Variants in EBF1 observed in about 807,000 individuals in gnomAD.
EBF1 encodes EBF transcription factor 1.
EBF1 carries 10 observed loss-of-function variants against 68.4 expected under a neutral mutation model. The ratio of observed to expected loss-of-function variants is 0.15; its 90% CI spans 0.09 to 0.25. EBF1 has a LOEUF of 0.25. Among genes scored for constraint, EBF1 ranks in the 10% least tolerant of loss-of-function variants. The probability of loss-of-function intolerance (pLI) is 1.00; values close to 1 mark genes in which losing one functional copy is unlikely to be tolerated. For synonymous variants in EBF1, 298 were observed against 299.8 expected (o/e 0.99, Z 0.06); for missense variants, 509 against 794.4 (o/e 0.64, Z 4.32).
chr5:158,750,946 T>C (rs1447096533), intron 10 of EBF1, among the ~76,000 whole-genome samples: 10 of 152,042 alleles, frequency 6.6e-5, no homozygotes, highest in Non-Finnish European at 1.5e-4. Flanking sequence ...GATAAATAAA[T>C]ATAGTAAATC....
chr5:158,883,203 C>T (rs1387235709), intron 6 of EBF1, among the ~76,000 whole-genome samples: 1 of 151,862 alleles, frequency 6.6e-6, no homozygotes, highest in African/African-American at 2.4e-5. Context: ...TACATGTATG[C>T]ATAGATACAA....
chr5:159,093,844 C>T (rs1268297866), intron 4 of EBF1, among the ~76,000 whole-genome samples: 2 of 151,912 alleles, frequency 1.3e-5, no homozygotes, highest in Non-Finnish European at 2.9e-5. Flanking sequence ...CATAGTGCTA[C>T]CTATAATTTA....
At chr5:159,047,058 A>G (rs1772561871) in intron 6 of EBF1, among the ~76,000 whole-genome samples, 1 of 152,194 alleles carries the variant, frequency 6.6e-6, no homozygotes, top group African/African-American at 2.4e-5. Flanking sequence ...CACTGTGTTT[A>G]TTATTGAGTA....
At chr5:158,967,974 T>C (rs186338104) in intron 6 of EBF1, among the ~76,000 whole-genome samples, 1 of 152,332 alleles carries the variant, frequency 6.6e-6, no homozygotes, top group East Asian at 1.9e-4. Flanking sequence ...AGAAGACCTG[T>C]CTTGAAATGT....
At chr5:158,758,139 G>A (rs1770547927) in intron 10 of EBF1, among the ~76,000 whole-genome samples, 1 of 152,102 alleles carries the variant, frequency 6.6e-6, no homozygotes, top group South Asian at 2.1e-4. Flanking sequence ...CTCCATTATT[G>A]AGGTAAGAAA....
At chr5:159,011,568 T>C (rs1281243828) in intron 6 of EBF1, among the ~76,000 whole-genome samples, 1 of 152,160 alleles carries the variant, frequency 6.6e-6, no homozygotes, top group Non-Finnish European at 1.5e-5. Flanking sequence ...TGGAAGCGGG[T>C]GGGGTACCAG....
chr5:158,725,769 G>A (rs766299176), intron 11 of EBF1, among the ~76,000 whole-genome samples: 23 of 152,260 alleles, frequency 1.5e-4, no homozygotes, highest in African/African-American at 3.4e-4. Flanking sequence ...GAGAGATTCC[G>A]GTGTGCTCTC....
chr5:159,066,749 T>G (rs1381505392), intron 6 of EBF1, among the ~76,000 whole-genome samples: 2 of 152,168 alleles, frequency 1.3e-5, no homozygotes, highest in Non-Finnish European at 2.9e-5. Flanking sequence ...GACAAAGACT[T>G]GTAACTGGAG....
rs181131727 is a variant in EBF1 at position 159,054,921 on chromosome 5, A to G, written c.554+18475T>C. 1.8e-3 allele frequency among the ~76,000 whole-genome samples: 281 copies of G among 152,262 alleles called. 1 individual carries two copies. The highest frequency in any genetic ancestry group is 6.3e-3 in the African/African-American group (261 of 41,546). On this transcript the variant is annotated intron_variant, in intron 6 of 15. Transcript: ENST00000313708. ...AAGCCTACAATTTTCTTTTTACTAG[A>G]TCCCTTCCCCATCTTGCCCAAGTTA... is the stretch of plus-strand genomic sequence containing the variant.
intron 8 of EBF1, among the ~76,000 whole-genome samples, chr5:158,808,500 G>A (rs1782005378): frequency 6.6e-6 from 1 of 152,102 alleles, no homozygotes; most frequent in Non-Finnish European, 1.5e-5. Context: ...AAGAGCACCA[G>A]CTCTGGATTC....
chr5:158,783,731 G>GC (rs887723250), intron 9 of EBF1, among the ~76,000 whole-genome samples: 14 of 152,184 alleles, frequency 9.2e-5, no homozygotes, highest in African/African-American at 3.4e-4. Context: ...AGCCACTGTG[G>GC]CCATGACAAG....
At chr5:158,746,395 T>TA (rs1767568766) in intron 10 of EBF1, among the ~76,000 whole-genome samples, 1 of 152,160 alleles carries the variant, frequency 6.6e-6, no homozygotes, top group African/African-American at 2.4e-5. Context: ...ATTTTAAGCT[T>TA]AGAGACTGGA....
intron 6 of EBF1, among the ~76,000 whole-genome samples, chr5:159,067,157 C>T (rs1776986469): frequency 6.6e-6 from 1 of 151,970 alleles, no homozygotes; most frequent in Non-Finnish European, 1.5e-5. Context: ...AGAGTTTTTC[C>T]CCCCATTCTA....
At chr5:158,824,388 A>G (rs1351294798) in intron 7 of EBF1, among the ~76,000 whole-genome samples, 1 of 152,230 alleles carries the variant, frequency 6.6e-6, no homozygotes, top group Non-Finnish European at 1.5e-5. Context: ...CGATAGATTG[A>G]CATGCAGATT....
At chr5:158,745,291 A>G (rs552837390) in intron 10 of EBF1, among the ~76,000 whole-genome samples, 1 of 152,216 alleles carries the variant, frequency 6.6e-6, no homozygotes, top group Non-Finnish European at 1.5e-5. Context: ...GTGGAAACCA[A>G]TTTTGAAAAG....
intron 6 of EBF1, among the ~76,000 whole-genome samples, chr5:158,923,890 G>C (rs1183710387): frequency 3.9e-5 from 6 of 152,190 alleles, no homozygotes; most frequent in African/African-American, 9.7e-5. Context: ...CCAAACCTGG[G>C]CATTGTTTAC....
At chr5:158,899,705 C>G (rs536457474) in intron 6 of EBF1, among the ~76,000 whole-genome samples, 120 of 152,244 alleles carry the variant, frequency 7.9e-4, no homozygotes, top group African/African-American at 2.8e-3. Context: ...CCACTGACAA[C>G]TACACAGCCA....
intron 6 of EBF1, among the ~76,000 whole-genome samples, chr5:159,025,502 T>C (rs1283625596): frequency 6.6e-6 from 1 of 152,238 alleles, no homozygotes; most frequent in Non-Finnish European, 1.5e-5. Flanking sequence ...TATTTATTGA[T>C]GCTGATTTAT....
At chr5:158,885,577 A>G (rs916295964) in intron 6 of EBF1, among the ~76,000 whole-genome samples, 2 of 152,274 alleles carry the variant, frequency 1.3e-5, no homozygotes, top group Non-Finnish European at 1.5e-5. Context: ...AATCATCATC[A>G]TATCATCAGA....
Sources: allele counts gnomAD v4.1 joint callset (sites outside exome capture counted in the v4.1 genomes callset), GRCh38; gene constraint gnomAD v4.1.1; transcripts MANE v1.5; gene names NCBI Gene and HGNC (gene_info 2026-07-23, HGNC 2026-07-21).